The following RILPL1 variants were observed in gnomAD, a reference collection of about 807,000 sequenced individuals.
RILPL1 encodes the protein Rab interacting lysosomal protein like 1, also known as RILP-like protein 1.
A neutral mutation model predicts 50.3 loss-of-function variants in RILPL1; 33 were observed. That is an observed-to-expected ratio of 0.66 (90% confidence interval 0.50 to 0.88). The LOEUF is 0.88. Among genes scored for constraint, RILPL1 ranks in the 40% least tolerant of loss-of-function variants. The pLI is 0.00. For synonymous variants in RILPL1, 205 were observed against 228.6 expected (o/e 0.90, Z 0.93); for missense variants, 418 against 542.5 (o/e 0.77, Z 2.28).
At chr12:123,492,685 A>G (rs546664744) in intron 4 of RILPL1, among the ~76,000 whole-genome samples, 6 of 152,340 alleles carry the variant, frequency 3.9e-5, no homozygotes, top group Non-Finnish European at 7.3e-5. Context: ...GTGTCTGTGT[A>G]GAAAGAAGTA....
At chr12:123,501,476 T>A (rs1384056488) in intron 2 of RILPL1, among the ~76,000 whole-genome samples, 1 of 141,550 alleles carries the variant, frequency 7.1e-6, no homozygotes, top group Non-Finnish European at 1.5e-5. Context: ...ACAAAAAACC[T>A]CAGGCTGGGT....
intron 2 of RILPL1, among the ~76,000 whole-genome samples, chr12:123,517,699 G>A (rs762408486): frequency 3.3e-5 from 5 of 152,188 alleles, no homozygotes; most frequent in Non-Finnish European, 7.3e-5. Flanking sequence ...TGGGATGACA[G>A]GCATGAGCCA....
chr12:123,475,740 C>T, intron 6 of RILPL1: 1 of 1,587,012 alleles, frequency 6.3e-7, no homozygotes, highest in East Asian at 2.2e-5. Context: ...GGCATTATGG[C>T]TGTAAAGATC....
Position 123,485,534 on chromosome 12 carries a change from A to G in RILPL1, c.974+99T>C. 1 of 1,150,946 alleles carries G rather than the reference A, an allele frequency of 8.7e-7. No individual in the cohort carries two copies. The highest frequency in any genetic ancestry group is 1.2e-6 in the Non-Finnish European group (1 of 805,188). 71.3% of individuals were successfully genotyped at this position (1,150,946 alleles called of 1,614,324 possible). On this transcript the variant is annotated intron_variant, in intron 5 of 6. Transcript: ENST00000376874. This position sits in a 1 kb window ranked among gnomAD's most constrained non-coding sequence, Gnocchi z 4.0. Reference sequence around the variant, plus strand: ...GGGTACCCAAAAAAAACACTGATGAAATGCTTGTCTTCCAGGGGGTAAGAA... The same window carrying G: ...GGGTACCCAAAAAAAACACTGATGAGATGCTTGTCTTCCAGGGGGTAAGAA...
intron 2 of RILPL1, chr12:123,518,536 G>A (rs1300448836): frequency 2.8e-5 from 6 of 214,258 alleles, no homozygotes; most frequent in South Asian, 1.5e-4. Flanking sequence ...CGGTTAAGAT[G>A]GTAAATTTTA....
At chr12:123,532,611 G>A (rs1885472265) in intron 1 of RILPL1, among the ~76,000 whole-genome samples, 2 of 150,492 alleles carry the variant, frequency 1.3e-5, no homozygotes, top group Non-Finnish European at 2.9e-5. Flanking sequence ...AGCTAGGGGA[G>A]TCCCGGGAAG....
chr12:123,523,465 C>T, intron 2 of RILPL1, 30 bp downstream of exon 2: 1 of 1,613,230 alleles, frequency 6.2e-7, no homozygotes, highest in Non-Finnish European at 8.5e-7. Context: ...AATGGCCGGC[C>T]CCCTTGCATT....
chr12:123,493,058 G>A (rs1393657689), intron 4 of RILPL1, among the ~76,000 whole-genome samples: 4 of 152,182 alleles, frequency 2.6e-5, no homozygotes, highest in Non-Finnish European at 5.9e-5. Context: ...TAGTAAAAGA[G>A]GAAGGCATGC....
intron 1 of RILPL1, among the ~76,000 whole-genome samples, chr12:123,529,972 G>T (rs1021415552): frequency 3.3e-5 from 5 of 152,072 alleles, no homozygotes; most frequent in African/African-American, 1.2e-4. Context: ...TGGCTGTTGA[G>T]CATTTGACAT....
intron 4 of RILPL1, among the ~76,000 whole-genome samples, chr12:123,493,868 T>C (rs1262890782): frequency 6.8e-6 from 1 of 146,050 alleles, no homozygotes; most frequent in Non-Finnish European, 1.5e-5. Context: ...CAATGCAACC[T>C]CCACCTCCCG....
At chr12:123,472,927 A>G in intron 6 of RILPL1, 2 of 467,128 alleles carry the variant, frequency 4.3e-6, no homozygotes, top group Non-Finnish European at 7.8e-6. Flanking sequence ...TGCTGATGTG[A>G]TGTGTGAGGT....
intron 4 of RILPL1, among the ~76,000 whole-genome samples, chr12:123,495,669 T>A (rs1262032931): frequency 1.4e-5 from 2 of 142,984 alleles, no homozygotes; most frequent in African/African-American, 2.7e-5. Flanking sequence ...CCACCGCACC[T>A]GGCCCCAGTT....
At chr12:123,524,071 C>T (rs965195363) in intron 1 of RILPL1, among the ~76,000 whole-genome samples, 2 of 152,162 alleles carry the variant, frequency 1.3e-5, no homozygotes, top group African/African-American at 4.8e-5. Context: ...CTGGGGATGC[C>T]GAGGCAGACG....
At chr12:123,495,315 A>G (rs1200754783) in intron 4 of RILPL1, among the ~76,000 whole-genome samples, 2 of 152,026 alleles carry the variant, frequency 1.3e-5, no homozygotes, top group East Asian at 3.9e-4. Context: ...GCTGTACCTG[A>G]AGCTACCCCT....
intron 2 of RILPL1, among the ~76,000 whole-genome samples, chr12:123,503,998 C>T (rs975307034): frequency 9.9e-6 from 1 of 101,398 alleles, no homozygotes; most frequent in African/African-American, 5.0e-5. Flanking sequence ...GAGACTCTAT[C>T]TCAAAAAAAA....
chr12:123,517,059 C>A (rs1884742210), intron 2 of RILPL1, among the ~76,000 whole-genome samples: 2 of 152,052 alleles, frequency 1.3e-5, no homozygotes. Context: ...CAAAGTGAGA[C>A]CCTGTCTCAA....
At position 123,523,709 on chromosome 12, in the gene RILPL1, G is replaced by A. The variant is rs576272083; in HGVS notation, c.310-64C>T. ...CCAGAGCAGCCGCCCCACCCACTCC[G>A]ACCCTCAGGGGCAGCTTGGGTTGCT... On this transcript the variant is annotated intron_variant, in intron 1 of 6. Transcript: ENST00000376874. 11 of 1,548,336 alleles carry A rather than the reference G, an allele frequency of 7.1e-6. No individual in the cohort carries two copies. In the Admixed American group the frequency reaches 8.3e-5, roughly 12 times the overall value.
At chr12:123,513,092 G>A (rs536387469) in intron 2 of RILPL1, among the ~76,000 whole-genome samples, 16 of 149,084 alleles carry the variant, frequency 1.1e-4, no homozygotes, top group Non-Finnish European at 1.8e-4. Context: ...GTGTGAGTGC[G>A]TGTATGTCTG....
At chr12:123,492,031 A>G (rs1882721912) in intron 4 of RILPL1, among the ~76,000 whole-genome samples, 1 of 151,488 alleles carries the variant, frequency 6.6e-6, no homozygotes. Flanking sequence ...AATAAAATAA[A>G]ATAAAATAGA....
Sources: gnomAD v4.1 joint callset for allele counts (sites outside exome capture counted in the v4.1 genomes callset) on GRCh38, gnomAD v4.1.1 for gene constraint, Gnocchi (gnomAD v3.1) non-coding constraint, MANE v1.5 for transcripts, NCBI Gene and HGNC (gene_info 2026-07-23, HGNC 2026-07-21) for gene names.